The following CNTN4 variants were observed in gnomAD, a reference collection of about 807,000 sequenced individuals.
CNTN4 encodes contactin-4.
CNTN4 carries 77 observed loss-of-function variants against 122.5 expected under a neutral mutation model. The observed-to-expected ratio is 0.63, with a 90% CI of 0.52 to 0.76. CNTN4 has a LOEUF of 0.76. Among genes scored for constraint, CNTN4 ranks in the 30% least tolerant of loss-of-function variants. The pLI, the probability that CNTN4 is intolerant of heterozygous loss-of-function variation, is 0.00. For missense variants in CNTN4, 1,256 were observed against 1,259.1 expected (o/e 1.00, Z 0.04); for synonymous variants, 512 against 447.0 (o/e 1.15, Z -1.83).
At chr3:2,248,037 A>G (rs1153509) in intron 2 of CNTN4, among the ~76,000 whole-genome samples, 150,385 of 151,982 alleles carry the variant, frequency 0.99, 74,433 homozygotes, top group Middle Eastern at 1. Flanking sequence ...CATGTGATAT[A>G]TGTATTTGTT....
rs183803099 is a variant in CNTN4, at chr3:2,791,203, A to G, written c.359-28283A>G. Among the ~76,000 whole-genome samples the G allele has an allele frequency of 1.1e-3, 175 of 152,264 alleles. 1 individual carries two copies. The highest frequency in any genetic ancestry group is 1.4e-3 in the Admixed American group (22 of 15,284). On this transcript the variant is annotated intron_variant, in intron 6 of 24. Coordinates refer to ENST00000418658, the MANE Select transcript of CNTN4 (RefSeq NM_175607.3). ...TGCAAATAATGGTGGTATTATTGTT[A>G]TTTTTATTATTTAGTTCAGAAATCA...
At chr3:2,754,123 G>A (rs1003472794) in intron 6 of CNTN4, among the ~76,000 whole-genome samples, 1 of 152,112 alleles carries the variant, frequency 6.6e-6, no homozygotes, top group African/African-American at 2.4e-5. Context: ...TCCCCTACAT[G>A]TGAGAAAGAT....
intron 2 of CNTN4, among the ~76,000 whole-genome samples, chr3:2,173,146 C>T (rs149458426): frequency 1.3e-5 from 2 of 152,286 alleles, no homozygotes; most frequent in East Asian, 3.9e-4. Context: ...AACAGAAATA[C>T]AGTTGAGTAC....
intron 10 of CNTN4, among the ~76,000 whole-genome samples, chr3:2,887,849 T>C (rs1410967179): frequency 1.3e-5 from 2 of 152,314 alleles, no homozygotes; most frequent in East Asian, 1.9e-4. Flanking sequence ...TGAGACCATC[T>C]TGGAAACCCT....
intron 4 of CNTN4, among the ~76,000 whole-genome samples, chr3:2,665,645 G>C (rs2084115780): frequency 6.6e-6 from 1 of 152,158 alleles, no homozygotes; most frequent in Non-Finnish European, 1.5e-5. Context: ...TTCCCTATGG[G>C]ATGAGCCTCA....
chr3:2,546,455 T>G (rs2078249156), intron 3 of CNTN4, among the ~76,000 whole-genome samples: 1 of 151,918 alleles, frequency 6.6e-6, no homozygotes, highest in South Asian at 2.1e-4. Context: ...AGTGAACACA[T>G]GGACACAAAG....
At chr3:2,649,776 G>A (rs545489773) in intron 4 of CNTN4, among the ~76,000 whole-genome samples, 22 of 151,980 alleles carry the variant, frequency 1.4e-4, no homozygotes, top group Admixed American at 1.3e-3. Context: ...TTCTCTGATG[G>A]ATCTCGGCAA....
At chr3:2,550,859 C>G (rs894744599) in intron 3 of CNTN4, among the ~76,000 whole-genome samples, 3 of 152,010 alleles carry the variant, frequency 2.0e-5, no homozygotes, top group African/African-American at 7.2e-5. Context: ...AACAGAAAAC[C>G]AAACACCACA....
At chr3:2,816,594 G>T (rs925046426) in intron 6 of CNTN4, among the ~76,000 whole-genome samples, 1 of 151,128 alleles carries the variant, frequency 6.6e-6, no homozygotes, top group African/African-American at 2.4e-5. Flanking sequence ...AGGCTGAGGC[G>T]GGTGGATCAT....
At chr3:2,484,177 C>A (rs1317883501) in intron 3 of CNTN4, among the ~76,000 whole-genome samples, 1 of 151,994 alleles carries the variant, frequency 6.6e-6, no homozygotes, top group Admixed American at 6.6e-5. Flanking sequence ...AAAAAATACA[C>A]AGACAGCAAA....
chr3:2,705,629 AAT>A (rs1189694958), intron 4 of CNTN4, among the ~76,000 whole-genome samples: 98 of 54,626 alleles, frequency 1.8e-3, no homozygotes, highest in East Asian at 2.7e-3. Context: ...ATAATATATA[AAT>A]ATATATATTA....
At chr3:2,937,706 A>G (rs143458500) in intron 13 of CNTN4, among the ~76,000 whole-genome samples, 4 of 152,360 alleles carry the variant, frequency 2.6e-5, no homozygotes, top group Non-Finnish European at 5.9e-5. Flanking sequence ...TTAACATAAT[A>G]TAGTCCAAAC....
chr3:2,772,767 A>G (rs977380158), intron 6 of CNTN4, among the ~76,000 whole-genome samples: 2 of 152,240 alleles, frequency 1.3e-5, no homozygotes, highest in Admixed American at 1.3e-4. Flanking sequence ...AGACATGAAC[A>G]TAAAGATTAG....
At chr3:2,405,019 A>C (rs2046983648) in intron 3 of CNTN4, among the ~76,000 whole-genome samples, 1 of 152,214 alleles carries the variant, frequency 6.6e-6, no homozygotes, top group Non-Finnish European at 1.5e-5. Flanking sequence ...TTCTCAGTGT[A>C]AAGTACGTCT....
intron 2 of CNTN4, among the ~76,000 whole-genome samples, chr3:2,212,166 G>C (rs967319498): frequency 4.0e-5 from 6 of 151,646 alleles, no homozygotes; most frequent in African/African-American, 1.5e-4. Context: ...GTAGAGATGG[G>C]GTCTCACTAT....
At chr3:2,989,904 A>G (rs1286583562) in intron 14 of CNTN4, among the ~76,000 whole-genome samples, 2 of 152,220 alleles carry the variant, frequency 1.3e-5, no homozygotes, top group Admixed American at 6.5e-5. Flanking sequence ...GGGATCTGTT[A>G]TAGATTATTT....
At chr3:2,754,817 GTTAAT>G (rs145269969) in intron 6 of CNTN4, among the ~76,000 whole-genome samples, 2,314 of 152,000 alleles carry the variant, frequency 0.015, 56 homozygotes, top group African/African-American at 0.052. Flanking sequence ...CCATTCTGAG[GTTAAT>G]TTAAGTTAGC....
chr3:2,663,145 G>C (rs1344259919), intron 4 of CNTN4, among the ~76,000 whole-genome samples: 2 of 152,044 alleles, frequency 1.3e-5, no homozygotes, highest in Non-Finnish European at 2.9e-5. Flanking sequence ...ACAAGATCAT[G>C]TGAGCTTTTT....
chr3:2,393,360 T>G (rs2046516714), intron 3 of CNTN4, among the ~76,000 whole-genome samples: 1 of 152,194 alleles, frequency 6.6e-6, no homozygotes, highest in Non-Finnish European at 1.5e-5. Context: ...TCATTTGAAT[T>G]ATGAGAGACA....
Sources: allele counts gnomAD v4.1 joint callset (sites outside exome capture counted in the v4.1 genomes callset), GRCh38; gene constraint gnomAD v4.1.1; transcripts MANE v1.5; gene names NCBI Gene and HGNC (gene_info 2026-07-23, HGNC 2026-07-21).